The following SLAIN2 variants were observed in gnomAD, a reference collection of about 807,000 sequenced individuals.
SLAIN2 encodes SLAIN family member 2.
Under a neutral mutation model 56.6 loss-of-function variants are expected in SLAIN2, and 31 were observed. The observed-to-expected ratio is 0.55, with a 90% CI of 0.41 to 0.74. The LOEUF is 0.74. Among genes scored for constraint, SLAIN2 ranks in the 30% least tolerant of loss-of-function variants. SLAIN2 has a pLI of 0.00. For synonymous variants in SLAIN2, 317 were observed against 284.9 expected (o/e 1.11, Z -1.13); for missense variants, 777 against 754.2 (o/e 1.03, Z -0.35).
Position 48,341,748 on chromosome 4 carries a change from C to G in SLAIN2, c.9C>G (p.Asp3Glu). ...GCGGCGGCGGGGCCGGGATGGAGGA[C>G]GTTAACTCCAACGTGAACGCGGACC... ME[D>E]VNSNVNADQE... Residue 3 changes from aspartate to glutamate, a missense_variant, in exon 1 of 8, where the codon GAC becomes GAG. Asp to Glu is a conservative substitution (Grantham distance 45). Transcript: ENST00000264313. 5 of 1,533,012 alleles carry G rather than the reference C, an allele frequency of 3.3e-6. No homozygotes were observed. Among genetic ancestry groups the G allele is most frequent in the Non-Finnish European group, 4.4e-6 (5 of 1,139,848 alleles). The allele number at this position is 1,533,012 out of a possible 1,614,324, so 95.0% of individuals were successfully genotyped here.
chr4:48,388,126 C>T (rs185818167), intron 6 of SLAIN2, among the ~76,000 whole-genome samples: 1 of 152,218 alleles, frequency 6.6e-6, no homozygotes, highest in Admixed American at 6.5e-5. Context: ...TGCTTATTTG[C>T]TGTGGCTGCA....
At chr4:48,358,686 G>C (rs192548944) in intron 1 of SLAIN2, among the ~76,000 whole-genome samples, 1 of 151,786 alleles carries the variant, frequency 6.6e-6, no homozygotes, top group East Asian at 2.0e-4. Context: ...ATATTTGCTT[G>C]TGAGTAAAAC....
At chr4:48,370,040 T>C in intron 2 of SLAIN2, 43 bp downstream of exon 2, 1 of 1,588,572 alleles carries the variant, frequency 6.3e-7, no homozygotes, top group Non-Finnish European at 8.6e-7. Context: ...CTTTGCTTTC[T>C]TTAGTCAAAA....
At chr4:48,372,098 T>C (rs1715686955) in intron 2 of SLAIN2, among the ~76,000 whole-genome samples, 1 of 151,898 alleles carries the variant, frequency 6.6e-6, no homozygotes, top group Non-Finnish European at 1.5e-5. Flanking sequence ...AGAAACTGTT[T>C]TTCAGTACCC....
chr4:48,363,916 G>GT (rs1715424054), intron 1 of SLAIN2, among the ~76,000 whole-genome samples: 3 of 126,470 alleles, frequency 2.4e-5, no homozygotes, highest in Non-Finnish European at 1.8e-5. Context: ...GGCTGGCCAG[G>GT]CGGGGGGCTG....
At chr4:48,412,241 T>TCCCAATTA (rs1453788449) in intron 6 of SLAIN2, among the ~76,000 whole-genome samples, 1 of 152,196 alleles carries the variant, frequency 6.6e-6, no homozygotes, top group East Asian at 1.9e-4. Context: ...CTTGATATCA[T>TCCCAATTA]GTATTTTGAT....
intron 6 of SLAIN2, among the ~76,000 whole-genome samples, chr4:48,385,483 G>GTTGAATATGGTTGCTGT (rs1716076254): frequency 6.6e-6 from 1 of 152,146 alleles, no homozygotes; most frequent in Non-Finnish European, 1.5e-5. Flanking sequence ...TACTATCAGT[G>GTTGAATATGGTTGCTGT]GTTGAAGTGG....
rs1306666545 is a variant in SLAIN2, at chr4:48,422,238, C to T, written c.*161C>T. On this transcript the variant is annotated 3_prime_UTR_variant, in exon 8 of 8. Coordinates refer to ENST00000264313, the MANE Select transcript of SLAIN2 (RefSeq NM_020846.2). ...GCACAAACCGACAGAGATCATCAAA[C>T]AGCACTTTAATGACATTTAACATCA... 8 of 588,490 alleles carry T rather than the reference C, an allele frequency of 1.4e-5. No individual in the cohort carries two copies. The highest frequency in any genetic ancestry group is 2.4e-5 in the Non-Finnish European group (8 of 329,640). The allele number at this position is 588,490 out of a possible 1,614,324, so 36.5% of individuals were successfully genotyped here.
In SLAIN2 at chr4:48,379,842, G is replaced by C. The variant is rs1715925622; in HGVS notation, c.856G>C (p.Glu286Gln). 2 of 1,547,040 alleles carry C rather than the reference G, an allele frequency of 1.3e-6. No homozygotes were observed. The highest frequency in any genetic ancestry group is 2.3e-5 in the Admixed American group (1 of 44,208). ...TDVQILARMQ[E>Q]ESLRQEYAAT... ...TGTACAGATTCTAGCCCGGATGCAG[G>C]AAGAAAGTAAGTATTCTAATTGTTA... is the stretch of plus-strand genomic sequence containing the variant. Residue 286 changes from glutamate (E) to glutamine (Q), a missense_variant, in exon 4 of 8, where the codon GAA becomes CAA. Transcript: ENST00000264313.
intron 1 of SLAIN2, among the ~76,000 whole-genome samples, chr4:48,342,422 G>T (rs536396123): frequency 6.6e-6 from 1 of 152,366 alleles, no homozygotes; most frequent in East Asian, 1.9e-4. Context: ...TTCGCCTGGG[G>T]AGGAGTCGGA....
chr4:48,414,688 C>A (rs1233057386), intron 6 of SLAIN2, among the ~76,000 whole-genome samples: 1 of 117,906 alleles, frequency 8.5e-6, no homozygotes, highest in African/African-American at 3.3e-5. Context: ...AGGTATATCT[C>A]CCAATGCTAT....
Position 48,422,201 on chromosome 4 carries a change from CTG to C in SLAIN2, c.*126_*127del. The stretch of plus-strand genomic sequence containing the variant: ...GGGATTTATAAAATCCCAGCCCTCT[CTG>C]TCTTAATTAGCACAAACCGACAGAG... On this transcript the variant is annotated 3_prime_UTR_variant, in exon 8 of 8. Coordinates refer to ENST00000264313, the MANE Select transcript of SLAIN2 (RefSeq NM_020846.2). 1.4e-6 allele frequency: 1 copy of C among 717,070 alleles called. No individual in the cohort carries two copies. The highest frequency in any genetic ancestry group is 1.7e-5 in the South Asian group (1 of 57,632). 44.4% of individuals were successfully genotyped at this position (717,070 alleles called of 1,614,324 possible).
intron 3 of SLAIN2, among the ~76,000 whole-genome samples, chr4:48,378,475 A>G (rs1715885079): frequency 6.6e-6 from 1 of 152,200 alleles, no homozygotes; most frequent in Admixed American, 6.5e-5. Flanking sequence ...GTACCAGCAG[A>G]GTGAGGGGGC....
intron 6 of SLAIN2, among the ~76,000 whole-genome samples, chr4:48,390,206 T>A (rs1196936994): frequency 6.6e-6 from 1 of 151,390 alleles, no homozygotes; most frequent in Non-Finnish European, 1.5e-5. Flanking sequence ...TCCCTCTTAG[T>A]AGGTGGGATT....
chr4:48,398,752 A>G lies in SLAIN2; in HGVS notation c.1360+14968A>G, dbSNP rs548898468. ...CCTAGCACCATTTATTAAATAGGGA[A>G]TCCTTTCCCCATTGCTTGTTTTTGT... On this transcript the variant is annotated intron_variant, in intron 6 of 7. Transcript: ENST00000264313. Among the ~76,000 whole-genome samples the G allele has an allele frequency of 6.6e-5, 10 of 152,292 alleles. No individual in the cohort carries two copies. The East Asian group carries it at 1.9e-3, about 29-fold the overall frequency.
chr4:48,410,905 TTGCTGCAGAATGCAGCAAG>T (rs1716827189), intron 6 of SLAIN2, among the ~76,000 whole-genome samples: 1 of 152,136 alleles, frequency 6.6e-6, no homozygotes, highest in Non-Finnish European at 1.5e-5. Flanking sequence ...GTCGACAAAG[TTGCTGCAGAATGCAGCAAG>T]GAAGGAAGCC....
intron 1 of SLAIN2, among the ~76,000 whole-genome samples, chr4:48,367,062 G>A (rs1269184259): frequency 6.6e-6 from 1 of 152,062 alleles, no homozygotes; most frequent in Non-Finnish European, 1.5e-5. Flanking sequence ...TTACAAATAG[G>A]TTTATTTGTA....
At chr4:48,367,034 A>G (rs1437347850) in intron 1 of SLAIN2, among the ~76,000 whole-genome samples, 1 of 152,240 alleles carries the variant, frequency 6.6e-6, no homozygotes, top group Non-Finnish European at 1.5e-5. Flanking sequence ...TGAGCAAAGA[A>G]TATGATATGT....
chr4:48,386,480 C>T (rs897211912), intron 6 of SLAIN2, among the ~76,000 whole-genome samples: 1 of 152,136 alleles, frequency 6.6e-6, no homozygotes, highest in Non-Finnish European at 1.5e-5. Context: ...AAAACTTATC[C>T]AGAAATATAA....
Sources: gnomAD v4.1 joint callset for allele counts (sites outside exome capture counted in the v4.1 genomes callset) on GRCh38, gnomAD v4.1.1 for gene constraint, MANE v1.5 for transcripts, NCBI Gene and HGNC (gene_info 2026-07-23, HGNC 2026-07-21) for gene names.